The following C2CD3 variants were observed in gnomAD, a reference collection of about 807,000 sequenced individuals.
C2CD3 encodes C2 domain-containing protein 3.
In C2CD3, 148 loss-of-function variants were observed where a neutral mutation model predicts 234.0. That is an observed-to-expected ratio of 0.63 (90% CI 0.55 to 0.72). The LOEUF (loss-of-function observed/expected upper bound fraction) is 0.72, where lower values mean the gene tolerates loss of function less well. Among genes scored for constraint, C2CD3 ranks in the 30% least tolerant of loss-of-function variants. The pLI, the probability that C2CD3 is intolerant of heterozygous loss-of-function variation, is 0.00. For missense variants in C2CD3, 2,577 were observed against 2,811.5 expected (o/e 0.92, Z 1.89); for synonymous variants, 1,000 against 1,035.4 (o/e 0.97, Z 0.66).
At position 74,095,374 on chromosome 11, in the gene C2CD3, C is replaced by T. The variant is rs1405635990; in HGVS notation, c.3014G>A (p.Cys1005Tyr). The T allele has an allele frequency of 1.2e-6, 2 of 1,613,246 alleles. No individual in the cohort carries two copies. Among genetic ancestry groups the T allele is most frequent in the African/African-American group, 2.7e-5 (2 of 74,866 alleles). The change falls in exon 17 of 33, where the codon TGC becomes TAC. Residue 1005 changes from cysteine to tyrosine, a missense_variant. Coordinates refer to ENST00000334126, the MANE Select transcript of C2CD3 (RefSeq NM_001286577.2). ...EDRGNGLMEH[C>Y]FEIHIEMVKG... is the part of the protein sequence containing the mutation. The stretch of plus-strand genomic sequence containing the variant: ...AACCATCTCTATATGGATCTCAAAG[C>T]AGTGCTCCATCAGTCCATTTCCTCG...
chr11:74,017,611 C>T (rs1235759796), intron 32 of C2CD3, among the ~76,000 whole-genome samples: 4 of 152,214 alleles, frequency 2.6e-5, no homozygotes, highest in Non-Finnish European at 5.9e-5. Context: ...CCTGGCTCTA[C>T]CACTTCTTAG....
chr11:74,150,779 T>G (rs1373324387), intron 3 of C2CD3, among the ~76,000 whole-genome samples: 3 of 152,040 alleles, frequency 2.0e-5, no homozygotes, highest in African/African-American at 7.2e-5. Flanking sequence ...ATTATCACAT[T>G]TAAAAAATTA....
At chr11:74,087,300 G>A (rs1006120926) in intron 20 of C2CD3, among the ~76,000 whole-genome samples, 8 of 151,990 alleles carry the variant, frequency 5.3e-5, no homozygotes, top group Admixed American at 2.0e-4. Flanking sequence ...GCGGTGGCTC[G>A]CGCCTGTAAT....
intron 24 of C2CD3, among the ~76,000 whole-genome samples, chr11:74,068,760 C>T (rs773779255): frequency 6.6e-6 from 1 of 152,140 alleles, no homozygotes; most frequent in Non-Finnish European, 1.5e-5. Flanking sequence ...CAACCTTGCT[C>T]ACATCTCTCA....
intron 11 of C2CD3, among the ~76,000 whole-genome samples, chr11:74,112,405 A>G (rs1237400913): frequency 2.0e-5 from 3 of 152,140 alleles, no homozygotes; most frequent in Non-Finnish European, 2.9e-5. Flanking sequence ...ATTAGAAAAA[A>G]AAGACAACAC....
rs188236266 is a variant in C2CD3 at position 74,145,348 on chromosome 11, C to T, written c.484-5520G>A. 6.6e-5 allele frequency among the ~76,000 whole-genome samples: 10 copies of T among 152,184 alleles called. No individual in the cohort carries two copies. The East Asian group carries it at 7.7e-4, about 12-fold the overall frequency. ...TTGGGCATTTTTTCACGTTTGTTGG[C>T]GCATGTATGTCTTCTTTTGAAAAGT... On this transcript the variant is annotated intron_variant, in intron 3 of 32. Coordinates refer to ENST00000334126, the MANE Select transcript of C2CD3 (RefSeq NM_001286577.2).
chr11:74,117,013 C>T (rs1446420114), intron 9 of C2CD3, among the ~76,000 whole-genome samples: 1 of 110,124 alleles, frequency 9.1e-6, no homozygotes, highest in Admixed American at 9.3e-5. Context: ...TATATATACA[C>T]ATATATACGT....
At chr11:74,120,735 T>A (rs533733787) in intron 8 of C2CD3, among the ~76,000 whole-genome samples, 1 of 152,290 alleles carries the variant, frequency 6.6e-6, no homozygotes, top group Admixed American at 6.5e-5. Flanking sequence ...CTACTTTACA[T>A]TCCCACTAAC....
In C2CD3 at chr11:74,042,199, G is replaced by A; in HGVS notation, c.5515C>T (p.Gln1839Ter). 1 of 1,607,134 alleles carries A rather than the reference G, an allele frequency of 6.2e-7. No homozygotes were observed. Among genetic ancestry groups the A allele is most frequent in the Non-Finnish European group, 8.5e-7 (1 of 1,178,078 alleles). Residue 1839 changes from glutamine (Q) to a stop codon, truncating the protein, a stop_gained, in exon 29 of 33, where the codon CAA becomes TAA. Transcript: ENST00000334126. LOFTEE classifies it high-confidence loss of function. ...ACATGCTCTTCATGGCGTGATGCTTGGCTTCTTGTGGTATCACTTCTGTCA... is the reference window on the plus strand; with the variant it reads ...ACATGCTCTTCATGGCGTGATGCTTAGCTTCTTGTGGTATCACTTCTGTCA... ...SPGRSDTTRS[Q>*]ASRHEEHVQN...
chr11:74,035,720 TTGAA>T (rs1042440354), intron 30 of C2CD3, among the ~76,000 whole-genome samples: 3 of 152,050 alleles, frequency 2.0e-5, no homozygotes, highest in Non-Finnish European at 2.9e-5. Flanking sequence ...TTTTTTTTTT[TTGAA>T]TGGTTTCCCT....
intron 7 of C2CD3, among the ~76,000 whole-genome samples, chr11:74,126,693 G>A (rs1040252976): frequency 6.6e-6 from 1 of 152,160 alleles, no homozygotes; most frequent in South Asian, 2.1e-4. Context: ...GCAGTTAGCT[G>A]AGGTTGCGCC....
chr11:74,047,244 T>C (rs948474485), intron 28 of C2CD3, among the ~76,000 whole-genome samples: 1 of 152,192 alleles, frequency 6.6e-6, no homozygotes, highest in African/African-American at 2.4e-5. Context: ...TGTCTGTATA[T>C]AATATGACAC....
chr11:74,166,091 G>A (rs1190844876), intron 2 of C2CD3, among the ~76,000 whole-genome samples: 4 of 151,980 alleles, frequency 2.6e-5, no homozygotes, highest in East Asian at 1.9e-4. Flanking sequence ...CGAGCAGATC[G>A]TGAGATCAGG....
intron 3 of C2CD3, among the ~76,000 whole-genome samples, chr11:74,153,198 A>C (rs1255492054): frequency 1.3e-5 from 2 of 148,738 alleles, no homozygotes; most frequent in Non-Finnish European, 3.0e-5. Flanking sequence ...ACAGAGTGAG[A>C]CTCTGTCTCT....
chr11:74,120,995 G>GAAA (rs58687006), intron 8 of C2CD3, among the ~76,000 whole-genome samples: 2 of 133,446 alleles, frequency 1.5e-5, no homozygotes, highest in Non-Finnish European at 1.6e-5. Flanking sequence ...TGTCTCTACA[G>GAAA]AAAAAAAAAA....
chr11:74,159,885 T>C (rs1856331346), intron 3 of C2CD3, among the ~76,000 whole-genome samples: 1 of 152,226 alleles, frequency 6.6e-6, no homozygotes, highest in Admixed American at 6.5e-5. Context: ...GCTCTATCCA[T>C]AACTGCTCTA....
chr11:74,039,101 T>C (rs1408295261), intron 29 of C2CD3, among the ~76,000 whole-genome samples: 1 of 152,202 alleles, frequency 6.6e-6, no homozygotes, highest in Non-Finnish European at 1.5e-5. Flanking sequence ...GTCTATATCG[T>C]GGTATATGCC....
At chr11:74,154,728 G>A (rs944068986) in intron 3 of C2CD3, among the ~76,000 whole-genome samples, 8 of 152,104 alleles carry the variant, frequency 5.3e-5, no homozygotes, top group African/African-American at 9.7e-5. Context: ...GTGTGGCTGC[G>A]TCCTAATACA....
chr11:74,061,737 A>C (rs1954259748), intron 24 of C2CD3, among the ~76,000 whole-genome samples: 1 of 152,350 alleles, frequency 6.6e-6, no homozygotes, highest in Middle Eastern at 3.4e-3. Flanking sequence ...ATAATCAGCT[A>C]ACATCATAAT....
Sources: gnomAD v4.1 joint callset for allele counts (sites outside exome capture counted in the v4.1 genomes callset) on GRCh38, gnomAD v4.1.1 for gene constraint, MANE v1.5 for transcripts, NCBI Gene and HGNC (gene_info 2026-07-23, HGNC 2026-07-21) for gene names.